TFCP2: variants seen among roughly 807,000 people sequenced by gnomAD.
The protein encoded by TFCP2 is alpha-globin transcription factor CP2.
In TFCP2, 33 loss-of-function variants were observed where a neutral mutation model predicts 73.4. That is an observed-to-expected ratio of 0.45 (90% CI 0.34 to 0.60). The LOEUF (loss-of-function observed/expected upper bound fraction) is 0.60, where lower values mean the gene tolerates loss of function less well. Ranked by LOEUF, TFCP2 falls within the 20% of genes least tolerant of loss-of-function variation. TFCP2 has a pLI of 0.01. For synonymous variants in TFCP2, 193 were observed against 211.6 expected, an observed-to-expected ratio of 0.91 and a Z score of 0.76; for missense variants, 352 against 604.0, an observed-to-expected ratio of 0.58 and a Z score of 4.37.
chr12:51,142,875 A>G (rs964618931), intron 1 of TFCP2, among the ~76,000 whole-genome samples: 3 of 152,034 alleles, frequency 2.0e-5, no homozygotes, highest in African/African-American at 7.2e-5. Flanking sequence ...CATGGTCACC[A>G]ATGACTTCCA....
intron 1 of TFCP2, among the ~76,000 whole-genome samples, chr12:51,140,885 G>A (rs1941178894): frequency 6.6e-6 from 1 of 152,000 alleles, no homozygotes; most frequent in African/African-American, 2.4e-5. Context: ...GTGAAACGCT[G>A]TCTCTACTAA....
At chr12:51,119,917 G>A (rs1001685751) in intron 1 of TFCP2, among the ~76,000 whole-genome samples, 8 of 151,910 alleles carry the variant, frequency 5.3e-5, no homozygotes, top group East Asian at 1.9e-4. Flanking sequence ...AGGTGCTCAC[G>A]CCTGTAATCC....
intron 4 of TFCP2, among the ~76,000 whole-genome samples, chr12:51,111,630 C>T (rs1022295900): frequency 6.6e-6 from 1 of 151,848 alleles, no homozygotes; most frequent in African/African-American, 2.4e-5. Context: ...CCAAGGCAGG[C>T]GGATCATGAT....
At chr12:51,126,248 A>AAG (rs1566213471) in intron 1 of TFCP2, among the ~76,000 whole-genome samples, 2 of 150,850 alleles carry the variant, frequency 1.3e-5, no homozygotes, top group African/African-American at 4.9e-5. Context: ...AAAAAAAAAA[A>AAG]AAAGAAAAGA....
At chr12:51,114,696 T>G (rs1940478527) in intron 4 of TFCP2, among the ~76,000 whole-genome samples, 1 of 151,998 alleles carries the variant, frequency 6.6e-6, no homozygotes, top group Admixed American at 6.6e-5. Context: ...ACATCACTTA[T>G]CACCAGGGAA....
chr12:51,150,708 G>C (rs570249284), intron 1 of TFCP2, among the ~76,000 whole-genome samples: 1 of 152,124 alleles, frequency 6.6e-6, no homozygotes, highest in South Asian at 2.1e-4. Context: ...ACAACAAAAG[G>C]GCAAAAATCA....
At position 51,118,647 on chromosome 12, in the gene TFCP2, T is replaced by A; in HGVS notation, c.248A>T (p.Asp83Val). The change falls in exon 2 of 15, where the codon GAT becomes GTT. Residue 83 changes from aspartate (D) to valine (V), a missense_variant. Transcript: ENST00000257915. ...AATSPAVKLH[D>V]ETLTYLNQGQ... ...TTGATTGAGATACGTTAGGGTTTCA[T>A]CATGGAGTTTCACTGCTGGAGAGGT... 1 of 1,614,194 alleles carries A rather than the reference T, an allele frequency of 6.2e-7. No homozygotes were observed. Among genetic ancestry groups the A allele is most frequent in the Non-Finnish European group, 8.5e-7 (1 of 1,180,036 alleles).
At chr12:51,097,635 T>C (rs756120019) in intron 13 of TFCP2, among the ~76,000 whole-genome samples, 44 of 152,160 alleles carry the variant, frequency 2.9e-4, no homozygotes, top group Non-Finnish European at 5.3e-4. Context: ...AATTCCATTA[T>C]AATAATTTTT....
chr12:51,148,503 CAGCCTAGCCAATA>C (rs1313128945), intron 1 of TFCP2, among the ~76,000 whole-genome samples: 3 of 151,664 alleles, frequency 2.0e-5, no homozygotes, highest in Non-Finnish European at 4.4e-5. Context: ...AGTTTAAGAC[CAGCCTAGCCAATA>C]TGGTGAAACT....
Position 51,095,240 on chromosome 12 carries a change from C to T in TFCP2, c.*1G>A. 6 of 1,613,988 alleles carry T rather than the reference C, an allele frequency of 3.7e-6. No individual in the cohort carries two copies. Among genetic ancestry groups the T allele is most frequent in the Non-Finnish European group, 5.1e-6 (6 of 1,180,006 alleles). On this transcript the variant is annotated 3_prime_UTR_variant, in exon 15 of 15. Transcript: ENST00000257915. The stretch of plus-strand genomic sequence containing the variant: ...GCCACTGGGCACGAAACGCCGCACT[C>T]CTACTTCAGTATGATATGATAGCTA...
intron 1 of TFCP2, among the ~76,000 whole-genome samples, chr12:51,121,383 C>T (rs1244289943): frequency 6.7e-6 from 1 of 149,962 alleles, no homozygotes; most frequent in African/African-American, 2.4e-5. Flanking sequence ...CGTACCACTG[C>T]ACTGAAGCCC....
intron 1 of TFCP2, among the ~76,000 whole-genome samples, chr12:51,120,197 A>C (rs1286014080): frequency 6.6e-6 from 1 of 150,712 alleles, no homozygotes; most frequent in Non-Finnish European, 1.5e-5. Context: ...AAAAAAAAAA[A>C]AAAAGAACAA....
intron 5 of TFCP2, 116 bp downstream of exon 5, chr12:51,110,761 C>G: frequency 1.4e-6 from 1 of 732,892 alleles, no homozygotes; most frequent in Non-Finnish European, 2.3e-6. Flanking sequence ...CTGGGCTTGA[C>G]AGTCAGGCTA....
intron 1 of TFCP2, among the ~76,000 whole-genome samples, chr12:51,157,545 C>T (rs1941562700): frequency 1.3e-5 from 2 of 152,084 alleles, no homozygotes; most frequent in Non-Finnish European, 2.9e-5. Context: ...ACTCCCATTT[C>T]AGCCTTCAAA....
At chr12:51,132,450 C>A (rs555865275) in intron 1 of TFCP2, among the ~76,000 whole-genome samples, 2 of 140,748 alleles carry the variant, frequency 1.4e-5, no homozygotes, top group South Asian at 4.7e-4. Context: ...CTCACTGGAA[C>A]CTCCATCTCC....
Position 51,095,199 on chromosome 12 carries a change from G to A in TFCP2, c.*42C>T. The A allele has an allele frequency of 6.2e-7, 1 of 1,608,618 alleles. No individual in the cohort carries two copies. The highest frequency in any genetic ancestry group is 8.5e-7 in the Non-Finnish European group (1 of 1,175,000). On this transcript the variant is annotated 3_prime_UTR_variant, in exon 15 of 15. Transcript: ENST00000257915. ...CCCCTTCAAGAGGGCCGTTTTCAGAGGTGAAGGAAGGAGCAGCCACTGGGC... is the reference window on the plus strand; with the variant it reads ...CCCCTTCAAGAGGGCCGTTTTCAGAAGTGAAGGAAGGAGCAGCCACTGGGC...
intron 4 of TFCP2, among the ~76,000 whole-genome samples, chr12:51,114,979 T>C (rs1373347261): frequency 7.1e-6 from 1 of 140,126 alleles, no homozygotes; most frequent in African/African-American, 2.6e-5. Flanking sequence ...GAGAATCACT[T>C]GAACCTGGGA....
intron 13 of TFCP2, 67 bp downstream of exon 13, chr12:51,098,709 C>G: frequency 6.4e-7 from 1 of 1,554,846 alleles, no homozygotes; most frequent in Non-Finnish European, 8.8e-7. Flanking sequence ...CCCAGGAGAA[C>G]TGCTCTTGCT....
chr12:51,150,396 C>T (rs374207603), intron 1 of TFCP2, among the ~76,000 whole-genome samples: 24 of 150,810 alleles, frequency 1.6e-4, no homozygotes, highest in African/African-American at 4.4e-4. Context: ...CCAGCCTGGG[C>T]GACAGAGCGA....
Sources: allele counts gnomAD v4.1 joint callset (sites outside exome capture counted in the v4.1 genomes callset), GRCh38; gene constraint gnomAD v4.1.1; transcripts MANE v1.5; gene names NCBI Gene and HGNC (gene_info 2026-07-23, HGNC 2026-07-21).